SLC28A1: variants seen among roughly 807,000 people sequenced by gnomAD.
SLC28A1 encodes sodium/nucleoside cotransporter 1.
In SLC28A1, 64 loss-of-function variants were observed where a neutral mutation model predicts 74.8. The observed-to-expected ratio is 0.86, with a 90% CI of 0.70 to 1.05. The LOEUF (loss-of-function observed/expected upper bound fraction) is 1.05. SLC28A1 is among the 50% of genes least tolerant of loss of function. The pLI is 0.00. For missense variants in SLC28A1, 828 were observed against 822.8 expected (o/e 1.01, Z -0.08); for synonymous variants, 359 against 335.0 (o/e 1.07, Z -0.78).
intron 15 of SLC28A1, among the ~76,000 whole-genome samples, chr15:84,938,163 G>A (rs1482860843): frequency 7.0e-6 from 1 of 142,062 alleles, no homozygotes; most frequent in Non-Finnish European, 1.5e-5. Flanking sequence ...TTACACCATT[G>A]TACTCCAGCC....
At chr15:84,952,923 C>G in the SLC28A1 span, among the ~76,000 whole-genome samples, 1 of 152,270 alleles carries the variant, frequency 6.6e-6, no homozygotes, top group South Asian at 2.1e-4. Flanking sequence ...AGAAAATTCA[C>G]TTTATAAACA....
At chr15:84,926,655 C>A in intron 12 of SLC28A1, 1 of 403,414 alleles carries the variant, frequency 2.5e-6, no homozygotes, top group Non-Finnish European at 4.9e-6. Context: ...CAGTCATAAG[C>A]TGGGTAAGTT....
chr15:84,887,962 T>C (rs1018936896), intron 3 of SLC28A1, 106 bp downstream of exon 3: 2 of 808,792 alleles, frequency 2.5e-6, no homozygotes, highest in African/African-American at 3.4e-5. Context: ...TCATACCCCA[T>C]TCTTCTGCCC....
In SLC28A1 at chr15:84,944,603, G is replaced by T. The variant is rs913901652; in HGVS notation, c.1701G>T (p.Gln567His). The change falls in exon 17 of 19, where the codon CAG becomes CAT. Residue 567 changes from glutamine (Q) to histidine (H), a missense_variant. By Grantham distance (24) the Gln-to-His change is conservative. This residue lies in a region of SLC28A1 where 767 missense variants were observed against 753.5 expected (regional missense o/e 1.02). Transcript: ENST00000394573. ...CCCAACGGAAGAGCGACTTCTCCCA[G>T]ATAGTGCTCCGGGCGCTCTTCACGG... ...MVPQRKSDFS[Q>H]IVLRALFTGA... 1.9e-6 allele frequency: 3 copies of T among 1,614,118 alleles called. No individual in the cohort carries two copies. The highest frequency in any genetic ancestry group is 2.5e-6 in the Non-Finnish European group (3 of 1,179,950).
the SLC28A1 span, among the ~76,000 whole-genome samples, chr15:84,960,638 G>T: frequency 7.2e-5 from 11 of 152,138 alleles, no homozygotes; most frequent in African/African-American, 2.7e-4. Context: ...ACCTGGATGT[G>T]GGTGATGGGC....
At chr15:84,965,479 T>C in the SLC28A1 span, among the ~76,000 whole-genome samples, 2 of 152,208 alleles carry the variant, frequency 1.3e-5, no homozygotes, top group African/African-American at 2.4e-5. Context: ...TTGATTCCAA[T>C]AGCCATTTTC....
At chr15:84,951,828 A>G in the SLC28A1 span, among the ~76,000 whole-genome samples, 1 of 152,168 alleles carries the variant, frequency 6.6e-6, no homozygotes, top group African/African-American at 2.4e-5. Flanking sequence ...CAGAGAAAAA[A>G]GAGAGACTCC....
In SLC28A1 at chr15:84,893,453, A is replaced by G. The variant is rs565986199; in HGVS notation, c.278-1487A>G. Among the ~76,000 whole-genome samples the G allele has an allele frequency of 5.3e-4, 80 of 152,234 alleles. 2 individuals carry two copies. Among genetic ancestry groups the G allele is most frequent in the Non-Finnish European group, 4.7e-4 (32 of 68,018 alleles). The stretch of plus-strand genomic sequence containing the variant: ...CAAGCTTCCATGTGAGAGAAAGGTC[A>G]TTTTATTTTTTATAACTCAACTTAT... On this transcript the variant is annotated intron_variant, in intron 5 of 18. Coordinates refer to ENST00000394573, the MANE Select transcript of SLC28A1 (RefSeq NM_004213.5).
At chr15:84,916,998 A>G (rs892422960) in intron 9 of SLC28A1, among the ~76,000 whole-genome samples, 1 of 138,780 alleles carries the variant, frequency 7.2e-6, no homozygotes, top group African/African-American at 2.6e-5. Context: ...ACTGTACTCC[A>G]GCCTGGGCAA....
At chr15:84,955,280 C>A in the SLC28A1 span, among the ~76,000 whole-genome samples, 1 of 152,146 alleles carries the variant, frequency 6.6e-6, no homozygotes, top group East Asian at 1.9e-4. Context: ...GACAGTGAAT[C>A]CGAGAGCATA....
chr15:84,953,474 A>T, the SLC28A1 span, among the ~76,000 whole-genome samples: 2 of 152,160 alleles, frequency 1.3e-5, no homozygotes, highest in Non-Finnish European at 2.9e-5. Flanking sequence ...CACACCTGTA[A>T]TCCCAGCACT....
intron 13 of SLC28A1, 90 bp downstream of exon 13, chr15:84,933,365 T>C: frequency 1.4e-6 from 2 of 1,479,706 alleles, no homozygotes; most frequent in Non-Finnish European, 1.9e-6. Flanking sequence ...TCCATCACTG[T>C]CTTCCACTAG....
At chr15:84,933,390 T>C (rs999579028) in intron 13 of SLC28A1, 115 bp downstream of exon 13, 31 of 1,285,786 alleles carry the variant, frequency 2.4e-5, no homozygotes, top group Non-Finnish European at 3.3e-5. Flanking sequence ...GGCCCATCTC[T>C]CCACTTTTCC....
intron 9 of SLC28A1, among the ~76,000 whole-genome samples, chr15:84,910,838 T>A (rs529176639): frequency 1.8e-4 from 27 of 152,262 alleles, no homozygotes; most frequent in African/African-American, 6.3e-4. Context: ...GAGGAGTGCG[T>A]ATAAGGAGAG....
At chr15:84,919,718 G>A (rs561599740) in intron 10 of SLC28A1, among the ~76,000 whole-genome samples, 1 of 152,304 alleles carries the variant, frequency 6.6e-6, no homozygotes, top group East Asian at 1.9e-4. Flanking sequence ...CATGAGGGCA[G>A]AGCCTTCATG....
At chr15:84,953,282 A>G in the SLC28A1 span, among the ~76,000 whole-genome samples, 1 of 152,222 alleles carries the variant, frequency 6.6e-6, no homozygotes, top group African/African-American at 2.4e-5. Flanking sequence ...TATGGAAAAG[A>G]CAGGGCCTCC....
intron 9 of SLC28A1, among the ~76,000 whole-genome samples, chr15:84,909,264 A>G (rs1462735890): frequency 2.0e-5 from 3 of 152,176 alleles, no homozygotes; most frequent in Admixed American, 1.3e-4. Context: ...CCAGGAAGCC[A>G]GCCCTTACTA....
chr15:84,920,800 A>G (rs924901625), intron 10 of SLC28A1, among the ~76,000 whole-genome samples, 189 bp from the exon 11 acceptor site: 15 of 152,120 alleles, frequency 9.9e-5, no homozygotes, highest in African/African-American at 3.6e-4. Context: ...GGCCTTGGGA[A>G]GGGGTAAGCC....
intron 1 of SLC28A1, 59 bp downstream of exon 1, chr15:84,884,810 G>A: frequency 5.6e-6 from 5 of 894,672 alleles, no homozygotes; most frequent in Non-Finnish European, 6.7e-6. Flanking sequence ...GGAGGGGAAG[G>A]GGGTAGCACA....
Sources: gnomAD v4.1 joint callset for allele counts (sites outside exome capture counted in the v4.1 genomes callset) on GRCh38, gnomAD v4.1.1 for gene constraint, gnomAD v4.1.1 regional missense constraint, MANE v1.5 for transcripts, NCBI Gene and HGNC (gene_info 2026-07-23, HGNC 2026-07-21) for gene names.